The following DAW1 variants were observed in gnomAD, a reference collection of about 807,000 sequenced individuals.
The protein encoded by DAW1 is dynein assembly factor with WD repeats 1, also known as dynein assembly factor with WD repeat domains 1.
In DAW1, 47 loss-of-function variants were observed where a neutral mutation model predicts 56.5. That is an observed-to-expected ratio of 0.83 (90% CI 0.66 to 1.06). DAW1 has a LOEUF of 1.06. DAW1 is among the 50% of genes least tolerant of loss of function. The pLI is 0.00. For synonymous variants in DAW1, 190 were observed against 179.0 expected, an observed-to-expected ratio of 1.06 and a Z score of -0.49; for missense variants, 505 against 499.3, an observed-to-expected ratio of 1.01 and a Z score of -0.11.
chr2:227,901,959 G>A (rs544815491), intron 6 of DAW1, among the ~76,000 whole-genome samples: 7 of 152,254 alleles, frequency 4.6e-5, no homozygotes, highest in East Asian at 3.9e-4. Flanking sequence ...CTCTACATCC[G>A]AGACTGAGGG....
At chr2:227,888,054 T>C (rs1274083649) in intron 2 of DAW1, among the ~76,000 whole-genome samples, 1 of 152,250 alleles carries the variant, frequency 6.6e-6, no homozygotes, top group Non-Finnish European at 1.5e-5. Context: ...CAATGAAATA[T>C]CTCAGGGTTT....
intron 6 of DAW1, among the ~76,000 whole-genome samples, chr2:227,901,084 G>A (rs1031452916): frequency 6.6e-6 from 1 of 152,192 alleles, no homozygotes; most frequent in African/African-American, 2.4e-5. Flanking sequence ...AAAAAGAAAT[G>A]GGAGGGTGGT....
chr2:227,909,644 G>A (rs1405460334), intron 10 of DAW1, among the ~76,000 whole-genome samples: 1 of 152,018 alleles, frequency 6.6e-6, no homozygotes, highest in Non-Finnish European at 1.5e-5. Flanking sequence ...TTAGTCTGAG[G>A]CCAAAAACTT....
intron 10 of DAW1, chr2:227,912,266 T>A (rs1026365614): frequency 1.5e-5 from 10 of 645,294 alleles, no homozygotes; most frequent in Non-Finnish European, 2.5e-5. Context: ...GGAGTCTCGC[T>A]CTGTCGCCCA....
At chr2:227,889,737 G>A (rs754113904) in intron 2 of DAW1, 119 bp from the exon 3 acceptor site, 3 of 801,966 alleles carry the variant, frequency 3.7e-6, no homozygotes, top group Non-Finnish European at 5.4e-6. Context: ...AAAGATAATG[G>A]TGTTTTTGAC....
At chr2:227,894,055 C>T in intron 5 of DAW1, 138 bp downstream of exon 5, 1 of 857,640 alleles carries the variant, frequency 1.2e-6, no homozygotes, top group Non-Finnish European at 1.7e-6. Flanking sequence ...TTAAATACCT[C>T]CTTCAAAGCT....
intron 1 of DAW1, among the ~76,000 whole-genome samples, 179 bp downstream of exon 1, chr2:227,871,908 A>G (rs908271975): frequency 1.3e-5 from 2 of 152,218 alleles, no homozygotes; most frequent in Admixed American, 1.3e-4. Flanking sequence ...TCTTCCTCAA[A>G]ACATTAACAA....
intron 5 of DAW1, among the ~76,000 whole-genome samples, chr2:227,894,217 G>A (rs943981760): frequency 4.6e-5 from 7 of 151,926 alleles, no homozygotes; most frequent in Non-Finnish European, 7.4e-5. Flanking sequence ...CCTGGCCAAC[G>A]TGGTGAAACC....
In DAW1 at chr2:227,893,882, T is replaced by C. The variant is rs1433838457; in HGVS notation, c.405T>C (p.Asn135=). 1 of 1,613,634 alleles carries C rather than the reference T, an allele frequency of 6.2e-7. No homozygotes were observed. The highest frequency in any genetic ancestry group is 1.7e-5 in the Admixed American group (1 of 59,932). The part of the protein sequence containing the change: ...EELNTLEGHR[N]VVYAIAFNNP... ...TGAACACGCTGGAGGGCCACAGGAATGTGGTTTATGCCATAGCATTCAACA... is the reference window on the plus strand; with the variant it reads ...TGAACACGCTGGAGGGCCACAGGAACGTGGTTTATGCCATAGCATTCAACA... The change falls in exon 5 of 13, where the codon AAT becomes AAC. Residue 135 remains asparagine (N), a synonymous_variant. Coordinates refer to ENST00000309931, the MANE Select transcript of DAW1 (RefSeq NM_178821.3).
chr2:227,900,201 G>A (rs1691506856), intron 6 of DAW1, among the ~76,000 whole-genome samples: 2 of 152,196 alleles, frequency 1.3e-5, no homozygotes, highest in African/African-American at 4.8e-5. Context: ...GTAGGGTACT[G>A]AGGCATTGAA....
chr2:227,919,889 C>T (rs16824223), intron 11 of DAW1, among the ~76,000 whole-genome samples: 7,542 of 152,252 alleles, frequency 0.05, 246 homozygotes, highest in Middle Eastern at 0.095. Flanking sequence ...CCTGGAACTC[C>T]GCCCCAGGCT....
chr2:227,905,173 T>G (rs935962615), intron 8 of DAW1, 138 bp downstream of exon 8: 2 of 549,964 alleles, frequency 3.6e-6, no homozygotes, highest in African/African-American at 2.0e-5. Context: ...AAATGTAAAT[T>G]AATTCATTCT....
chr2:227,877,523 A>G (rs1332895714), intron 1 of DAW1, among the ~76,000 whole-genome samples: 2 of 152,238 alleles, frequency 1.3e-5, no homozygotes, highest in African/African-American at 2.4e-5. Flanking sequence ...CTCAGTAATC[A>G]TGAGAGGGAT....
chr2:227,897,031 A>G (rs1574657860), intron 5 of DAW1, among the ~76,000 whole-genome samples: 1 of 150,588 alleles, frequency 6.6e-6, no homozygotes, highest in East Asian at 2.0e-4. Flanking sequence ...GGTTGCAGTG[A>G]GCTGAGATCG....
intron 2 of DAW1, among the ~76,000 whole-genome samples, chr2:227,885,975 CT>C (rs10655811): frequency 5.5e-4 from 73 of 131,978 alleles, no homozygotes; most frequent in Middle Eastern, 3.9e-3. Flanking sequence ...TTTTTCTTTC[CT>C]TTTTTTTTTT....
intron 2 of DAW1, chr2:227,887,692 C>T (rs1027946823): frequency 6.6e-6 from 1 of 152,196 alleles, no homozygotes; most frequent in African/African-American, 2.4e-5. Flanking sequence ...TGAAAGTCTT[C>T]ATATTAACTA....
chr2:227,882,333 G>T (rs1469601218), intron 1 of DAW1, among the ~76,000 whole-genome samples: 2 of 152,162 alleles, frequency 1.3e-5, no homozygotes, highest in Non-Finnish European at 2.9e-5. Flanking sequence ...AGAAGCAGTG[G>T]AAGGTGAAAC....
intron 10 of DAW1, among the ~76,000 whole-genome samples, chr2:227,914,005 TC>T: frequency 1.3e-5 from 2 of 151,944 alleles, no homozygotes; most frequent in African/African-American, 2.4e-5. Flanking sequence ...TCTCTCTCTC[TC>T]TCTCTTTCTT....
In DAW1 at chr2:227,877,769, C is replaced by G. The variant is rs556860013; in HGVS notation, c.40+6040C>G. Among the ~76,000 whole-genome samples, 159 of 152,256 alleles carry G rather than the reference C, an allele frequency of 1.0e-3. No homozygotes were observed. In the South Asian group the frequency reaches 0.017, roughly 16 times the overall value. ...TCTAATGCTGCTGCTGCTGATCTGA[C>G]AGGAGGCTGAATGAGCTCAGGCAGT... On this transcript the variant is annotated intron_variant, in intron 1 of 12. Transcript: ENST00000309931.
Sources: allele counts gnomAD v4.1 joint callset (sites outside exome capture counted in the v4.1 genomes callset), GRCh38; gene constraint gnomAD v4.1.1; transcripts MANE v1.5; gene names NCBI Gene and HGNC (gene_info 2026-07-23, HGNC 2026-07-21).